Variants in ATRNL1 observed in about 807,000 individuals in gnomAD.
ATRNL1 encodes attractin-like protein 1.
ATRNL1 carries 95 observed loss-of-function variants against 182.7 expected under a neutral mutation model. The observed-to-expected ratio is 0.52, with a 90% CI of 0.44 to 0.62. The LOEUF is 0.62. Among genes scored for constraint, ATRNL1 ranks in the 20% least tolerant of loss-of-function variants. The pLI, the probability that ATRNL1 is intolerant of heterozygous loss-of-function variation, is 0.00. For missense variants in ATRNL1, 1,471 were observed against 1,679.5 expected (o/e 0.88, Z 2.17); for synonymous variants, 576 against 568.3 (o/e 1.01, Z -0.19).
intron 27 of ATRNL1, among the ~76,000 whole-genome samples, chr10:115,785,730 G>A (rs1310632219): frequency 1.3e-5 from 2 of 152,162 alleles, no homozygotes; most frequent in African/African-American, 4.8e-5. Flanking sequence ...ATCATAAAGT[G>A]CTGGTTTGTT....
At chr10:115,191,762 C>G (rs1848177894) in intron 8 of ATRNL1, among the ~76,000 whole-genome samples, 1 of 152,210 alleles carries the variant, frequency 6.6e-6, no homozygotes, top group South Asian at 2.1e-4. Flanking sequence ...TCCCCTTCCG[C>G]CATGATTGCA....
chr10:115,398,637 CATG>C (rs1844404626), intron 20 of ATRNL1, among the ~76,000 whole-genome samples: 2 of 152,036 alleles, frequency 1.3e-5, no homozygotes, highest in Non-Finnish European at 2.9e-5. Context: ...GATGTAGGAT[CATG>C]TTGTCTGCAA....
In ATRNL1 at chr10:115,561,053, T is replaced by A. The variant is rs182046856; in HGVS notation, c.3795+11517T>A. On this transcript the variant is annotated intron_variant, in intron 26 of 28. Transcript: ENST00000355044. ...TGTGACACCTAAACTATAAAACTCT[T>A]AGAAGAAAATACAGAAGAAAATCTT... Among the ~76,000 whole-genome samples the A allele has an allele frequency of 4.6e-5, 7 of 152,262 alleles. No individual in the cohort carries two copies. The East Asian group carries it at 1.4e-3, about 29-fold the overall frequency.
intron 1 of ATRNL1, among the ~76,000 whole-genome samples, chr10:115,113,849 A>G (rs1369740315): frequency 6.6e-6 from 1 of 152,228 alleles, no homozygotes; most frequent in Non-Finnish European, 1.5e-5. Context: ...ACAAGACTGC[A>G]TTGACATGGT....
In ATRNL1 at chr10:115,788,969, C is replaced by A. The variant is rs373106115; in HGVS notation, c.3904-58908C>A. Reference sequence around the variant, plus strand: ...GAAATAACGTATTATGAAATCCATTCTCGAGTGGCGATTTTTTATGATGTT... The same window carrying A: ...GAAATAACGTATTATGAAATCCATTATCGAGTGGCGATTTTTTATGATGTT... On this transcript the variant is annotated intron_variant, in intron 27 of 28. Transcript: ENST00000355044. Among the ~76,000 whole-genome samples, 22 of 152,328 alleles carry A rather than the reference C, an allele frequency of 1.4e-4. No homozygotes were observed. The South Asian group carries it at 4.6e-3, about 32-fold the overall frequency.
intron 15 of ATRNL1, among the ~76,000 whole-genome samples, chr10:115,297,391 C>T (rs782671656): frequency 1.3e-5 from 2 of 151,946 alleles, no homozygotes; most frequent in East Asian, 1.9e-4. Context: ...CCTGTAATCC[C>T]AGCACTTTGG....
intron 26 of ATRNL1, among the ~76,000 whole-genome samples, chr10:115,708,729 G>A (rs1946973638): frequency 6.6e-6 from 1 of 151,666 alleles, no homozygotes; most frequent in Non-Finnish European, 1.5e-5. Context: ...GTAAGTTCAA[G>A]CTGAAATGTT....
intron 25 of ATRNL1, among the ~76,000 whole-genome samples, chr10:115,533,432 TG>T (rs1368328689): frequency 6.6e-6 from 1 of 151,396 alleles, no homozygotes; most frequent in Non-Finnish European, 1.5e-5. Flanking sequence ...TGTATTTCTG[TG>T]GGATCAGTGG....
intron 19 of ATRNL1, among the ~76,000 whole-genome samples, chr10:115,349,151 A>C (rs1399543087): frequency 6.6e-6 from 1 of 152,170 alleles, no homozygotes; most frequent in Non-Finnish European, 1.5e-5. Context: ...CCACCATTTC[A>C]TTCACTACCT....
intron 19 of ATRNL1, among the ~76,000 whole-genome samples, chr10:115,370,346 C>T (rs1857328586): frequency 1.3e-5 from 2 of 152,182 alleles, no homozygotes; most frequent in South Asian, 4.1e-4. Context: ...AAGGTTGGAA[C>T]AGTTTGGAGG....
chr10:115,911,009 A>C (rs1555115781), intron 28 of ATRNL1, among the ~76,000 whole-genome samples: 3 of 151,922 alleles, frequency 2.0e-5, no homozygotes, highest in Non-Finnish European at 4.4e-5. Context: ...TTATTTATTT[A>C]TTTATTTATT....
chr10:115,385,624 A>G (rs782376445), intron 19 of ATRNL1, among the ~76,000 whole-genome samples: 3 of 151,738 alleles, frequency 2.0e-5, no homozygotes, highest in Non-Finnish European at 2.9e-5. Context: ...CGTACGTGAA[A>G]TCTTTACCTA....
intron 20 of ATRNL1, among the ~76,000 whole-genome samples, chr10:115,419,561 G>A (rs952760847): frequency 2.0e-5 from 3 of 152,120 alleles, no homozygotes; most frequent in Non-Finnish European, 4.4e-5. Context: ...TGCATAGATT[G>A]AAAGTAAATG....
intron 21 of ATRNL1, among the ~76,000 whole-genome samples, chr10:115,456,880 A>G (rs1331921193): frequency 1.3e-5 from 2 of 152,114 alleles, no homozygotes; most frequent in African/African-American, 2.4e-5. Context: ...CCTGTAGTTC[A>G]GCAAGTGGGA....
At chr10:115,904,914 C>T (rs1344569592) in intron 28 of ATRNL1, among the ~76,000 whole-genome samples, 1 of 152,116 alleles carries the variant, frequency 6.6e-6, no homozygotes, top group Non-Finnish European at 1.5e-5. Context: ...TGCTCAGTGC[C>T]AGGTACTGGG....
intron 24 of ATRNL1, among the ~76,000 whole-genome samples, chr10:115,490,804 A>C (rs1293734458): frequency 1.3e-5 from 2 of 151,940 alleles, no homozygotes; most frequent in Non-Finnish European, 2.9e-5. Flanking sequence ...GGAGGAGAAG[A>C]GGTGTTCTGT....
At position 115,203,221 on chromosome 10, in the gene ATRNL1, A is replaced by G. The variant is rs548661170; in HGVS notation, c.1349-12476A>G. Among the ~76,000 whole-genome samples, 8 of 152,270 alleles carry G rather than the reference A, an allele frequency of 5.3e-5. No individual in the cohort carries two copies. In the South Asian group the frequency reaches 1.7e-3, roughly 32 times the overall value. On this transcript the variant is annotated intron_variant, in intron 8 of 28. Coordinates refer to ENST00000355044, the MANE Select transcript of ATRNL1 (RefSeq NM_207303.4). Reference sequence around the variant, plus strand: ...TATTATGGCCATCTACAAGTATAAAAGTTTTCAAAAAAGTGGTAATACTCC... The same window carrying G: ...TATTATGGCCATCTACAAGTATAAAGGTTTTCAAAAAAGTGGTAATACTCC...
At chr10:115,622,859 G>A (rs1309723130) in intron 26 of ATRNL1, among the ~76,000 whole-genome samples, 6 of 151,916 alleles carry the variant, frequency 3.9e-5, no homozygotes, top group African/African-American at 1.5e-4. Flanking sequence ...CCCGGGAGGC[G>A]GAGCTTGCAG....
intron 27 of ATRNL1, among the ~76,000 whole-genome samples, chr10:115,769,643 T>A (rs114046479): frequency 0.01 from 1,556 of 152,274 alleles, 16 homozygotes; most frequent in African/African-American, 0.033. Context: ...GAGTTATTCA[T>A]GCCTGGTTTT....
Sources: allele counts gnomAD v4.1 joint callset (sites outside exome capture counted in the v4.1 genomes callset), GRCh38; gene constraint gnomAD v4.1.1; transcripts MANE v1.5; gene names NCBI Gene and HGNC (gene_info 2026-07-23, HGNC 2026-07-21).